The following MAP3K7CL variants were observed in gnomAD, a reference collection of about 807,000 sequenced individuals.
The protein encoded by MAP3K7CL is MAP3K7 C-terminal-like protein.
In MAP3K7CL, 16 loss-of-function variants were observed where a neutral mutation model predicts 18.6. That is an observed-to-expected ratio of 0.86 (90% confidence interval 0.58 to 1.31). The LOEUF is 1.31. Ranked by LOEUF, MAP3K7CL falls within the 50% of genes most tolerant of loss-of-function variation. The pLI, the probability that MAP3K7CL is intolerant of heterozygous loss-of-function variation, is 0.00. For synonymous variants in MAP3K7CL, 65 were observed against 66.8 expected (o/e 0.97, Z 0.13); for missense variants, 163 against 174.4 (o/e 0.93, Z 0.37).
intron 4 of MAP3K7CL, among the ~76,000 whole-genome samples, chr21:29,103,917 A>G (rs1381982056): frequency 6.6e-6 from 1 of 152,094 alleles, no homozygotes; most frequent in Non-Finnish European, 1.5e-5. Flanking sequence ...ACTAAACTAA[A>G]CTAAAATAAA....
At chr21:29,141,284 G>T (rs1193198351) in intron 2 of MAP3K7CL, among the ~76,000 whole-genome samples, 2 of 152,162 alleles carry the variant, frequency 1.3e-5, no homozygotes, top group Non-Finnish European at 2.9e-5. Flanking sequence ...GGGAGGCAGA[G>T]GTGGGGGATC....
chr21:29,174,634 A>G (rs1466035149), intron 4 of MAP3K7CL, 78 bp from the exon 5 acceptor site: 36 of 1,498,420 alleles, frequency 2.4e-5, no homozygotes, highest in Non-Finnish European at 3.1e-5. Context: ...TTCTACTTCC[A>G]TCATGCTATT....
At chr21:29,120,661 T>C (rs1374403860) in intron 4 of MAP3K7CL, among the ~76,000 whole-genome samples, 1 of 115,628 alleles carries the variant, frequency 8.6e-6, no homozygotes, top group Admixed American at 9.0e-5. Flanking sequence ...GTCTCTTTTC[T>C]TTCTTTCTTT....
chr21:29,128,714 C>A (rs2086724789), upstream of MAP3K7CL, among the ~76,000 whole-genome samples: 1 of 152,190 alleles, frequency 6.6e-6, no homozygotes. Flanking sequence ...CATTCATCCT[C>A]AAGCCTGTTA....
At chr21:29,096,535 G>A (rs1462813339) in intron 4 of MAP3K7CL, among the ~76,000 whole-genome samples, 1 of 152,176 alleles carries the variant, frequency 6.6e-6, no homozygotes, top group East Asian at 1.9e-4. Flanking sequence ...ATGGCTCCAG[G>A]CAGAGGGATG....
At chr21:29,133,962 C>CCTT (rs2086830315) in intron 2 of MAP3K7CL, among the ~76,000 whole-genome samples, 1 of 152,150 alleles carries the variant, frequency 6.6e-6, no homozygotes, top group Admixed American at 6.5e-5. Flanking sequence ...TACTTAGAGC[C>CCTT]CTTCGTCATG....
chr21:29,168,665 C>T (rs1014829126), intron 4 of MAP3K7CL, among the ~76,000 whole-genome samples: 9 of 152,052 alleles, frequency 5.9e-5, no homozygotes, highest in African/African-American at 2.2e-4. Context: ...ATTGTCTGCC[C>T]GAAACTATAT....
intron 2 of MAP3K7CL, among the ~76,000 whole-genome samples, chr21:29,136,947 T>A (rs1372058626): frequency 6.6e-6 from 1 of 152,268 alleles, no homozygotes; most frequent in South Asian, 2.1e-4. Flanking sequence ...GAGGCATGAT[T>A]TCTAGACCTA....
chr21:29,146,925 T>C (rs2087140537), intron 2 of MAP3K7CL, among the ~76,000 whole-genome samples: 1 of 152,210 alleles, frequency 6.6e-6, no homozygotes. Flanking sequence ...CAGAAATGCC[T>C]TGTGTACTGC....
At position 29,130,745 on chromosome 21, in the gene MAP3K7CL, G is replaced by C; in HGVS notation, c.-218G>C. ...GGTCCCGTGGGACGCTGGGGTCTGG[G>C]GCAGAGCAGGTAGCAGCGTGCTGCC... On this transcript the variant is annotated 5_prime_UTR_variant, in exon 1 of 5. Transcript: ENST00000399928. 3.0e-6 allele frequency: 3 copies of C among 985,562 alleles called. No homozygotes were observed. The highest frequency in any genetic ancestry group is 3.6e-6 in the Non-Finnish European group (3 of 830,026). 61.1% of individuals were successfully genotyped at this position (985,562 alleles called of 1,614,324 possible).
intron 2 of MAP3K7CL, among the ~76,000 whole-genome samples, chr21:29,136,052 A>G (rs1022533292): frequency 4.6e-5 from 7 of 152,158 alleles, no homozygotes; most frequent in African/African-American, 1.7e-4. Context: ...CCCCACTCCT[A>G]TATATTCTGA....
At chr21:29,099,378 T>A (rs1324359412) in intron 4 of MAP3K7CL, among the ~76,000 whole-genome samples, 1 of 151,322 alleles carries the variant, frequency 6.6e-6, no homozygotes, top group Admixed American at 6.6e-5. Context: ...GTGCTGAGAT[T>A]ACAGGCATGA....
chr21:29,099,810 G>A (rs1042724606), intron 4 of MAP3K7CL, among the ~76,000 whole-genome samples: 1 of 152,098 alleles, frequency 6.6e-6, no homozygotes, highest in Non-Finnish European at 1.5e-5. Context: ...GGGGCCGGGC[G>A]CAGTGGCTCA....
In MAP3K7CL at chr21:29,152,930, T is replaced by C. The variant is rs376657827; in HGVS notation, c.132+3680T>C. Among the ~76,000 whole-genome samples, 165 of 152,364 alleles carry C rather than the reference T, an allele frequency of 1.1e-3. 1 individual carries two copies. Among genetic ancestry groups the C allele is most frequent in the African/African-American group, 3.6e-3 (151 of 41,600 alleles). Reference sequence around the variant, plus strand: ...CCATAATGTAGTTATAGAATAACCTTGTAAAATCTGTTCTGACTTTCTGAT... The same window carrying C: ...CCATAATGTAGTTATAGAATAACCTCGTAAAATCTGTTCTGACTTTCTGAT... On this transcript the variant is annotated intron_variant, in intron 3 of 4. Transcript: ENST00000399928.
At chr21:29,172,650 G>A (rs2087868702) in intron 4 of MAP3K7CL, among the ~76,000 whole-genome samples, 1 of 151,994 alleles carries the variant, frequency 6.6e-6, no homozygotes, top group South Asian at 2.1e-4. Flanking sequence ...TAATATATTG[G>A]CAGGTATATA....
intron 1 of MAP3K7CL, among the ~76,000 whole-genome samples, chr21:29,091,152 C>G (rs745619451): frequency 6.6e-6 from 1 of 152,190 alleles, no homozygotes; most frequent in Non-Finnish European, 1.5e-5. Context: ...TACTGGACAA[C>G]ACATCTATAT....
At chr21:29,077,215 G>T (rs1396838847), upstream of MAP3K7CL, among the ~76,000 whole-genome samples, 1 of 152,280 alleles carries the variant, frequency 6.6e-6, no homozygotes, top group Non-Finnish European at 1.5e-5. Flanking sequence ...GCCCTTGGGT[G>T]GTTGATGGGA....
At chr21:29,097,425 T>C (rs1226850018) in intron 4 of MAP3K7CL, among the ~76,000 whole-genome samples, 1 of 152,140 alleles carries the variant, frequency 6.6e-6, no homozygotes, top group East Asian at 1.9e-4. Context: ...TTACTATTGT[T>C]CATAAAACAT....
intron 1 of MAP3K7CL, 30 bp from the exon 2 acceptor site, chr21:29,133,276 A>G: frequency 6.6e-7 from 1 of 1,516,616 alleles, no homozygotes; most frequent in South Asian, 1.2e-5. Context: ...TGCTGGATAA[A>G]GTGACAATGG....
Sources: gnomAD v4.1 joint callset for allele counts (sites outside exome capture counted in the v4.1 genomes callset) on GRCh38, gnomAD v4.1.1 for gene constraint, MANE v1.5 for transcripts, NCBI Gene and HGNC (gene_info 2026-07-23, HGNC 2026-07-21) for gene names.